Variants in AK9 observed in about 807,000 individuals in gnomAD.
AK9 encodes adenylate kinase 9, also known as adenylate kinase domain containing 1.
In AK9, 191 loss-of-function variants were observed where a neutral mutation model predicts 239.6. The observed-to-expected ratio is 0.80, with a 90% CI of 0.71 to 0.90. The LOEUF (loss-of-function observed/expected upper bound fraction) is 0.90. Among genes scored for constraint, AK9 ranks in the 40% least tolerant of loss-of-function variants. AK9 has a pLI of 0.00. For synonymous variants in AK9, 689 were observed against 721.0 expected (o/e 0.96, Z 0.71); for missense variants, 1,995 against 2,214.7 (o/e 0.90, Z 1.99).
At chr6:109,629,099 AT>A (rs1168805570) in intron 12 of AK9, among the ~76,000 whole-genome samples, 17 of 151,994 alleles carry the variant, frequency 1.1e-4, no homozygotes, top group African/African-American at 3.9e-4. Flanking sequence ...ATTTTTCATG[AT>A]TTTATTTTAT....
chr6:109,620,318 G>A (rs1794665751), intron 12 of AK9, among the ~76,000 whole-genome samples: 1 of 152,088 alleles, frequency 6.6e-6, no homozygotes. Context: ...CCAACACTTG[G>A]TTTTGTGAAG....
chr6:109,579,407 CT>C, intron 20 of AK9, 142 bp downstream of exon 20: 1 of 687,928 alleles, frequency 1.5e-6, no homozygotes, highest in Non-Finnish European at 2.4e-6. Context: ...ACTATAAAGA[CT>C]TCAAGAATAT....
Position 109,516,455 on chromosome 6 carries a change from T to C in AK9, c.3821A>G (p.Asp1274Gly), listed in dbSNP as rs1779284973. The change falls in exon 30 of 41, where the codon GAT becomes GGT. Residue 1274 changes from aspartate to glycine, a missense_variant. Asp to Gly is a moderately conservative substitution (Grantham distance 94). Around this residue, in one of 5 missense-constraint regions of AK9, gnomAD observed 1,290 missense variants for 1,392.7 expected, o/e 0.93. Coordinates refer to ENST00000424296, the MANE Select transcript of AK9 (RefSeq NM_001145128.3). ...CTGTATTATTTGTAAATTATGTGTA[T>C]CTGCTTCAAATTTTTCTCCTAGTTC... ...RGELGEKFEADTHNLQIIQDE... is the reference protein window; with the variant it reads ...RGELGEKFEAGTHNLQIIQDE... 1 of 1,551,382 alleles carries C rather than the reference T, an allele frequency of 6.4e-7. No individual in the cohort carries two copies. The highest frequency in any genetic ancestry group is 1.4e-5 in the African/African-American group (1 of 73,158).
At chr6:109,523,141 G>A (rs866472281) in intron 29 of AK9, among the ~76,000 whole-genome samples, 1 of 151,996 alleles carries the variant, frequency 6.6e-6, no homozygotes, top group Non-Finnish European at 1.5e-5. Context: ...TAATATGTAT[G>A]CTATTTCTTT....
At chr6:109,627,273 GACA>G (rs1583315948) in intron 12 of AK9, among the ~76,000 whole-genome samples, 1 of 151,348 alleles carries the variant, frequency 6.6e-6, no homozygotes, top group African/African-American at 2.4e-5. Flanking sequence ...CATCTCTTAC[GACA>G]ACAATGCCTT....
At chr6:109,586,135 T>C in intron 17 of AK9, 63 bp from the exon 18 acceptor site, 1 of 1,290,628 alleles carries the variant, frequency 7.7e-7, no homozygotes, top group South Asian at 2.0e-5. Context: ...GCAACCTTGA[T>C]ATGTAATTTT....
intron 32 of AK9, 75 bp from the exon 33 acceptor site, chr6:109,509,455 G>T: frequency 7.7e-7 from 1 of 1,298,952 alleles, no homozygotes; most frequent in Non-Finnish European, 1.1e-6. Flanking sequence ...TTGTTACATG[G>T]GTATATTGTG....
Position 109,646,832 on chromosome 6 carries a change from C to A in AK9, c.760-2144G>T, listed in dbSNP as rs551020576. On this transcript the variant is annotated intron_variant, in intron 8 of 40. Transcript: ENST00000424296. ...ATGAAGGAAAAAATGTTAAGGGCAG[C>A]CAGAGAGAAAGGTTGGGTTACCCAC... Among the ~76,000 whole-genome samples the A allele has an allele frequency of 2.0e-5, 3 of 152,208 alleles. No homozygotes were observed. The East Asian group carries it at 5.8e-4, about 29-fold the overall frequency.
chr6:109,619,070 A>G (rs1794520987), intron 13 of AK9, 22 bp downstream of exon 13: 1 of 1,527,370 alleles, frequency 6.5e-7, no homozygotes, highest in Non-Finnish European at 8.8e-7. Context: ...CTTAAAACAC[A>G]CATTTTAAAA....
chr6:109,516,429 C>A lies in AK9; in HGVS notation c.3846+1G>T. On this transcript the variant is annotated splice_donor_variant, in intron 30 of 40. Transcript: ENST00000424296. LOFTEE classifies it high-confidence loss of function. ...ATAAAAAGCAAAGGAAAAGTAATAA[C>A]CTGTATTATTTGTAAATTATGTGTA... 6.5e-7 allele frequency: 1 copy of A among 1,548,640 alleles called. No homozygotes were observed. Among genetic ancestry groups the A allele is most frequent in the Non-Finnish European group, 8.7e-7 (1 of 1,145,388 alleles).
intron 1 of AK9, among the ~76,000 whole-genome samples, chr6:109,683,966 G>A (rs1562612602): frequency 6.6e-6 from 1 of 152,298 alleles, no homozygotes; most frequent in East Asian, 1.9e-4. Context: ...TAAGAACAAA[G>A]CTGGAGGCAT....
intron 20 of AK9, among the ~76,000 whole-genome samples, chr6:109,577,484 G>A (rs559764804): frequency 6.6e-6 from 1 of 151,762 alleles, no homozygotes; most frequent in African/African-American, 2.4e-5. Context: ...GTATTAGAGT[G>A]ATACTGGCAT....
intron 12 of AK9, among the ~76,000 whole-genome samples, chr6:109,628,535 A>G (rs960372362): frequency 2.0e-5 from 3 of 152,196 alleles, no homozygotes; most frequent in African/African-American, 7.2e-5. Context: ...GGGTTAGTTC[A>G]CTGTCATGGC....
intron 35 of AK9, among the ~76,000 whole-genome samples, chr6:109,502,342 C>T (rs754739264): frequency 6.6e-6 from 1 of 152,004 alleles, no homozygotes; most frequent in Non-Finnish European, 1.5e-5. Flanking sequence ...CAGACAGATA[C>T]GGAAGGGAGA....
chr6:109,626,252 A>G (rs79169320), intron 12 of AK9, among the ~76,000 whole-genome samples: 4,382 of 152,288 alleles, frequency 0.029, 100 homozygotes, highest in East Asian at 0.11. Context: ...TATTTATAAT[A>G]GCCACTTTAA....
chr6:109,605,081 T>C (rs918100975), intron 17 of AK9, among the ~76,000 whole-genome samples: 1 of 152,236 alleles, frequency 6.6e-6, no homozygotes, highest in Non-Finnish European at 1.5e-5. Flanking sequence ...TCTATTCTAA[T>C]AATTATTCCT....
chr6:109,624,510 C>A (rs999834640), intron 12 of AK9, among the ~76,000 whole-genome samples: 9 of 152,190 alleles, frequency 5.9e-5, no homozygotes, highest in Non-Finnish European at 1.0e-4. Flanking sequence ...AGCCACTCCC[C>A]CCAAAAATTG....
At chr6:109,667,814 T>C (rs577374669) in intron 5 of AK9, among the ~76,000 whole-genome samples, 3 of 152,236 alleles carry the variant, frequency 2.0e-5, no homozygotes, top group Non-Finnish European at 4.4e-5. Context: ...GTTGGACATC[T>C]GGGTTGGTTC....
chr6:109,599,665 C>T (rs1791622295), intron 17 of AK9, among the ~76,000 whole-genome samples: 1 of 152,100 alleles, frequency 6.6e-6, no homozygotes, highest in African/African-American at 2.4e-5. Flanking sequence ...TTACCTTGGG[C>T]AGTATGGCCA....
Sources: allele counts gnomAD v4.1 joint callset (sites outside exome capture counted in the v4.1 genomes callset), GRCh38; gene constraint gnomAD v4.1.1; regional missense constraint gnomAD v4.1.1; transcripts MANE v1.5; gene names NCBI Gene and HGNC (gene_info 2026-07-23, HGNC 2026-07-21).